Variants in SLC4A4 observed in about 807,000 individuals in gnomAD.
SLC4A4 encodes electrogenic sodium bicarbonate cotransporter 1.
A neutral mutation model predicts 111.5 loss-of-function variants in SLC4A4; 27 were observed. The ratio of observed to expected loss-of-function variants is 0.24; its 90% confidence interval spans 0.18 to 0.33. The LOEUF (loss-of-function observed/expected upper bound fraction) is 0.33, where lower values mean the gene tolerates loss of function less well. SLC4A4 is among the 10% of genes least tolerant of loss of function. The pLI is 1.00. For synonymous variants in SLC4A4, 443 were observed against 463.4 expected, an observed-to-expected ratio of 0.96 and a Z score of 0.57; for missense variants, 909 against 1,315.5, an observed-to-expected ratio of 0.69 and a Z score of 4.78.
At chr4:71,153,839 C>T (rs906462938) in intron 2 of SLC4A4, among the ~76,000 whole-genome samples, 1 of 152,148 alleles carries the variant, frequency 6.6e-6, no homozygotes, top group African/African-American at 2.4e-5. Context: ...CTTATTGACC[C>T]TCTACTCCAC....
chr4:71,348,623 G>A (rs1729542053), intron 4 of SLC4A4, among the ~76,000 whole-genome samples: 1 of 152,176 alleles, frequency 6.6e-6, no homozygotes, highest in Non-Finnish European at 1.5e-5. Context: ...ACATGGAGGG[G>A]AAAGTCTTTA....
At chr4:71,071,317 C>T (rs1255298115) in intron 1 of SLC4A4, among the ~76,000 whole-genome samples, 2 of 149,160 alleles carry the variant, frequency 1.3e-5, no homozygotes, top group Non-Finnish European at 3.0e-5. Context: ...TGTTTTGGTT[C>T]TAAAATGATT....
At chr4:71,245,892 G>A (rs1211455133) in intron 2 of SLC4A4, among the ~76,000 whole-genome samples, 2 of 152,134 alleles carry the variant, frequency 1.3e-5, no homozygotes, top group Non-Finnish European at 2.9e-5. Context: ...AGAGGGTGAA[G>A]CCTCTGAGGC....
chr4:71,154,791 G>A (rs139379518), intron 2 of SLC4A4, among the ~76,000 whole-genome samples: 2,361 of 152,068 alleles, frequency 0.016, 25 homozygotes, highest in Middle Eastern at 0.062. Context: ...GCCAATTAAG[G>A]AAAGATGATT....
intron 6 of SLC4A4, among the ~76,000 whole-genome samples, chr4:71,392,395 G>A (rs886435677): frequency 6.6e-6 from 1 of 152,030 alleles, no homozygotes; most frequent in African/African-American, 2.4e-5. Context: ...ATCCTCTGGC[G>A]ATACCCCTCC....
intron 6 of SLC4A4, among the ~76,000 whole-genome samples, chr4:71,387,017 G>A (rs1337583659): frequency 2.6e-5 from 4 of 152,206 alleles, no homozygotes; most frequent in Non-Finnish European, 5.9e-5. Flanking sequence ...CTTGAGCAGA[G>A]CCCTGCAGTG....
chr4:71,524,149 T>G (rs1004739360), intron 16 of SLC4A4, among the ~76,000 whole-genome samples: 11 of 152,182 alleles, frequency 7.2e-5, no homozygotes, highest in Non-Finnish European at 1.5e-4. Context: ...GCAATGTCTT[T>G]AGGCCTGCCA....
intron 6 of SLC4A4, among the ~76,000 whole-genome samples, chr4:71,381,527 T>C (rs554838877): frequency 6.6e-6 from 1 of 152,302 alleles, no homozygotes; most frequent in East Asian, 1.9e-4. Flanking sequence ...TCCTTCTCCC[T>C]TTAGTGGCGA....
intron 3 of SLC4A4, among the ~76,000 whole-genome samples, chr4:71,337,570 C>T (rs914797032): frequency 6.6e-6 from 1 of 151,918 alleles, no homozygotes; most frequent in African/African-American, 2.4e-5. Context: ...GTCACTAAAC[C>T]TTTGAGATAA....
At chr4:71,426,145 G>T (rs908077181) in intron 7 of SLC4A4, among the ~76,000 whole-genome samples, 4 of 151,846 alleles carry the variant, frequency 2.6e-5, no homozygotes, top group Non-Finnish European at 4.4e-5. Context: ...CTCTTTTATT[G>T]CTACAAAAAG....
At chr4:71,405,650 A>T (rs1244104831) in intron 7 of SLC4A4, among the ~76,000 whole-genome samples, 2 of 152,228 alleles carry the variant, frequency 1.3e-5, no homozygotes, top group East Asian at 3.8e-4. Flanking sequence ...CCAAAAGATT[A>T]TATGAGTTAT....
chr4:71,365,378 C>T (rs1469867483), intron 6 of SLC4A4, among the ~76,000 whole-genome samples: 2 of 152,102 alleles, frequency 1.3e-5, no homozygotes, highest in East Asian at 3.9e-4. Flanking sequence ...TTCCCAAGCC[C>T]CATGTTGCTC....
At chr4:71,225,813 C>T (rs1219454891) in intron 1 of SLC4A4, among the ~76,000 whole-genome samples, 1 of 152,186 alleles carries the variant, frequency 6.6e-6, no homozygotes, top group Non-Finnish European at 1.5e-5. Flanking sequence ...GATCTGAGAT[C>T]ACTGTGAAAT....
intron 2 of SLC4A4, among the ~76,000 whole-genome samples, chr4:71,245,965 G>A (rs916221271): frequency 6.6e-6 from 1 of 152,120 alleles, no homozygotes; most frequent in African/African-American, 2.4e-5. Context: ...CTTGAAGTCT[G>A]GTAAGATGAG....
intron 6 of SLC4A4, among the ~76,000 whole-genome samples, chr4:71,369,155 G>C (rs1731615735): frequency 6.6e-6 from 1 of 152,172 alleles, no homozygotes; most frequent in African/African-American, 2.4e-5. Flanking sequence ...CAATGGCTGG[G>C]GAAAGGGCAA....
At chr4:71,480,208 C>G (rs1465227709) in intron 14 of SLC4A4, among the ~76,000 whole-genome samples, 1 of 151,328 alleles carries the variant, frequency 6.6e-6, no homozygotes, top group African/African-American at 2.4e-5. Flanking sequence ...ATCTCAATAT[C>G]TCCACAGTAG....
chr4:71,560,303 G>T, intron 23 of SLC4A4, 49 bp downstream of exon 23: 3 of 1,550,946 alleles, frequency 1.9e-6, no homozygotes, highest in Non-Finnish European at 2.6e-6. Flanking sequence ...AGAAACAAAT[G>T]TGAAAATTGT....
At chr4:71,439,065 A>G (rs1724425602) in intron 7 of SLC4A4, among the ~76,000 whole-genome samples, 1 of 151,698 alleles carries the variant, frequency 6.6e-6, no homozygotes, top group South Asian at 2.1e-4. Context: ...CCCATTTCTC[A>G]GCTTTTTTTG....
chr4:71,363,349 C>G (rs1730972363), intron 6 of SLC4A4, among the ~76,000 whole-genome samples: 3 of 152,112 alleles, frequency 2.0e-5, no homozygotes. Flanking sequence ...GATCCAGATG[C>G]CTTGACACTG....
Sources: gnomAD v4.1 joint callset for allele counts (sites outside exome capture counted in the v4.1 genomes callset) on GRCh38, gnomAD v4.1.1 for gene constraint, MANE v1.5 for transcripts, NCBI Gene and HGNC (gene_info 2026-07-23, HGNC 2026-07-21) for gene names.